Variants in SMARCA2 observed in about 807,000 individuals in gnomAD.
SMARCA2 encodes the protein SWI/SNF-related matrix-associated actin-dependent regulator of chromatin subfamily A member 2.
Under a neutral mutation model 199.8 loss-of-function variants are expected in SMARCA2, and 61 were observed. The observed-to-expected ratio is 0.31, with a 90% CI of 0.25 to 0.38. The LOEUF (loss-of-function observed/expected upper bound fraction) is 0.38, where lower values mean the gene tolerates loss of function less well. Ranked by LOEUF, SMARCA2 falls within the 10% of genes least tolerant of loss-of-function variation. SMARCA2 has a pLI of 1.00. For synonymous variants in SMARCA2, 935 were observed against 732.0 expected (o/e 1.28, Z -4.48); for missense variants, 1,344 against 2,012.2 (o/e 0.67, Z 6.35).
chr9:2,180,244 TAAAAC>T (rs1220156663), intron 29 of SMARCA2, among the ~76,000 whole-genome samples: 3 of 152,028 alleles, frequency 2.0e-5, no homozygotes, highest in East Asian at 1.9e-4. Flanking sequence ...ATTAAAAAAA[TAAAAC>T]AAAAACGATG....
chr9:2,149,243 T>C (rs140136848), intron 27 of SMARCA2, among the ~76,000 whole-genome samples: 6 of 150,880 alleles, frequency 4.0e-5, no homozygotes, highest in East Asian at 1.9e-4. Flanking sequence ...CCTGGCTGGG[T>C]GTGGTGGCTC....
At chr9:2,054,250 G>A (rs1375084584) in intron 5 of SMARCA2, among the ~76,000 whole-genome samples, 1 of 152,226 alleles carries the variant, frequency 6.6e-6, no homozygotes, top group Non-Finnish European at 1.5e-5. Context: ...CTGGGAGTTA[G>A]AAAGCTTGTC....
chr9:2,122,039 G>A (rs1396159246), intron 26 of SMARCA2, among the ~76,000 whole-genome samples: 1 of 152,130 alleles, frequency 6.6e-6, no homozygotes, highest in East Asian at 1.9e-4. Context: ...TATTTTGTGG[G>A]TAGAAATCTC....
rs182876036 is a variant in SMARCA2 at position 2,186,650 on chromosome 9, C to T, written c.4594+422C>T. ...AAGTGATTCACCTGCCTCAGCCTCC[C>T]GAGTAGCTGGAATTACAGGCGTGTG... On this transcript the variant is annotated intron_variant, in intron 32 of 33. Coordinates refer to ENST00000349721, the MANE Select transcript of SMARCA2 (RefSeq NM_003070.5). Among the ~76,000 whole-genome samples the T allele has an allele frequency of 1.6e-4, 24 of 152,212 alleles. No homozygotes were observed. The East Asian group carries it at 3.7e-3, about 23-fold the overall frequency.
intron 15 of SMARCA2, 137 bp from the exon 16 acceptor site, chr9:2,083,210 A>G: frequency 2.1e-6 from 1 of 484,862 alleles, no homozygotes; most frequent in Middle Eastern, 5.4e-4. Context: ...CACCTTTAAA[A>G]TAAATATCTT....
intron 23 of SMARCA2, among the ~76,000 whole-genome samples, chr9:2,108,647 C>G (rs531273928): frequency 6.6e-6 from 1 of 152,060 alleles, no homozygotes; most frequent in Non-Finnish European, 1.5e-5. Flanking sequence ...ATATGTGAAC[C>G]ATTAATACAT....
chr9:2,108,426 T>G (rs1041900122), intron 23 of SMARCA2, among the ~76,000 whole-genome samples: 1 of 152,122 alleles, frequency 6.6e-6, no homozygotes, highest in African/African-American at 2.4e-5. Flanking sequence ...GCAGACCTGA[T>G]GAGATTAACT....
chr9:2,184,345 GATA>G (rs1827273121), intron 31 of SMARCA2, among the ~76,000 whole-genome samples: 1 of 139,966 alleles, frequency 7.1e-6, no homozygotes, highest in African/African-American at 2.7e-5. Flanking sequence ...CAAAACATAG[GATA>G]ATATCTTTTT....
Position 2,039,532 on chromosome 9 carries a change from G to T in SMARCA2, c.422G>T (p.Gly141Val). The change falls in exon 4 of 34, where the codon GGA (glycine) becomes GTA (valine). Residue 141 changes from glycine to valine, a missense_variant. Gly to Val is a moderately radical substitution (Grantham distance 109, BLOSUM62 -3). Transcript: ENST00000349721. The surrounding 1 kb of genome is among the most constrained non-coding windows in gnomAD (Gnocchi z 4.8). ...CACGTCTCCAGCCCTATGTCTGGAG[G>T]AGGCCCAACTCCACCTCAGATGCCA... is the stretch of plus-strand genomic sequence containing the variant. ...PEHVSSPMSG[G>V]GPTPPQMPPS... The T allele has an allele frequency of 6.2e-7, 1 of 1,614,082 alleles. No individual in the cohort carries two copies. Among genetic ancestry groups the T allele is most frequent in the Non-Finnish European group, 8.5e-7 (1 of 1,179,978 alleles).
intron 19 of SMARCA2, among the ~76,000 whole-genome samples, chr9:2,093,823 A>G (rs2130513517): frequency 6.6e-6 from 1 of 152,352 alleles, no homozygotes; most frequent in African/African-American, 2.4e-5. Flanking sequence ...AGGGCTATAA[A>G]TCAACTTCCT....
rs1158538758 is a variant in SMARCA2 at position 2,076,234 on chromosome 9, G to A, written c.1941G>A (p.Glu647=). ...TATCTTTGTTCCTTTTCCAGGATGA[G>A]GAAGAAGAGTCCAGTAGGCAGGAAA... The part of the protein sequence containing the change: ...ESDSDYEEED[E]EEESSRQETE... The change falls in exon 13 of 34, where the codon GAG becomes GAA. Residue 647 remains glutamate, a synonymous_variant. Coordinates refer to ENST00000349721, the MANE Select transcript of SMARCA2 (RefSeq NM_003070.5). The A allele has an allele frequency of 6.3e-7, 1 of 1,584,238 alleles. No individual in the cohort carries two copies. The highest frequency in any genetic ancestry group is 1.1e-5 in the South Asian group (1 of 90,354).
chr9:2,021,655 G>T (rs12550848), intron 1 of SMARCA2, among the ~76,000 whole-genome samples: 8,722 of 152,172 alleles, frequency 0.057, 346 homozygotes, highest in Admixed American at 0.1. Context: ...GCTTGCTGTT[G>T]TGCTATACTA....
intron 3 of SMARCA2, among the ~76,000 whole-genome samples, chr9:2,037,645 A>T (rs566294150): frequency 3.7e-4 from 57 of 152,172 alleles, no homozygotes; most frequent in Non-Finnish European, 7.6e-4. Flanking sequence ...AGATGCACAG[A>T]GCTCTTTCAG....
chr9:2,109,554 T>G (rs1822899837), intron 23 of SMARCA2, among the ~76,000 whole-genome samples: 1 of 152,312 alleles, frequency 6.6e-6, no homozygotes, highest in African/African-American at 2.4e-5. Context: ...CTGCTCTGTT[T>G]AGTTGGTTTT....
At chr9:2,152,317 CG>C (rs1411700880) in intron 27 of SMARCA2, among the ~76,000 whole-genome samples, 1 of 150,530 alleles carries the variant, frequency 6.6e-6, no homozygotes, top group Non-Finnish European at 1.5e-5. Flanking sequence ...TTTGGGTGGC[CG>C]GGGCAGGTGG....
rs1823551394 is a variant in SMARCA2, at chr9:2,123,421, T to C, written c.3763-298T>C. On this transcript the variant is annotated intron_variant, in intron 26 of 33. Coordinates refer to ENST00000349721, the MANE Select transcript of SMARCA2 (RefSeq NM_003070.5). The surrounding 1 kb of genome is among the most constrained non-coding windows in gnomAD (Gnocchi z 4.1). ...ATTCCCAATTTGAATTTTTCCACTA[T>C]TACTTTAAAGAGGGAGCTTTGCATA... Among the ~76,000 whole-genome samples, 1 of 152,226 alleles carries C rather than the reference T, an allele frequency of 6.6e-6. No homozygotes were observed. Among genetic ancestry groups the C allele is most frequent in the South Asian group, 2.1e-4 (1 of 4,824 alleles).
chr9:2,056,664 C>T lies in SMARCA2; in HGVS notation c.1174-8C>T, dbSNP rs1450203920. 2 of 1,611,722 alleles carry T rather than the reference C, an allele frequency of 1.2e-6. No homozygotes were observed. The highest frequency in any genetic ancestry group is 3.4e-5 in the Admixed American group (2 of 59,490). ...GGGAAGGCTGTCTAACTGCTCTCTT[C>T]TTGACAGCTGAGACAGGAGGTGGTG... On this transcript the variant is annotated splice_region_variant and splice_polypyrimidine_tract_variant and intron_variant, in intron 6 of 33. Coordinates refer to ENST00000349721, the MANE Select transcript of SMARCA2 (RefSeq NM_003070.5). This position sits in a 1 kb window ranked among gnomAD's most constrained non-coding sequence, Gnocchi z 4.0.
chr9:2,114,762 A>G lies in SMARCA2; in HGVS notation c.3457-1060A>G, dbSNP rs375242151. ...TATATGAGTAACATTTAAAGCAGAA[A>G]AAAAGCAAAATGTAAGCAAAGTGAA... On this transcript the variant is annotated intron_variant, in intron 24 of 33. Transcript: ENST00000349721. Among the ~76,000 whole-genome samples the G allele has an allele frequency of 7.9e-4, 121 of 152,350 alleles. No individual in the cohort carries two copies. In the Middle Eastern group the frequency reaches 0.014, roughly 17 times the overall value.
rs1278671449 is a variant in SMARCA2 at position 2,191,276 on chromosome 9, C to T, written c.4605C>T (p.Val1535=). The change falls in exon 33 of 34, where the codon GTC becomes GTT. Residue 1535 remains valine (V), a synonymous_variant. Transcript: ENST00000349721. ...EEESESEAKS[V]KVKIKLNKKD... ...TTGCTTTGGTTTTAGCAAAATCAGTCAAGGTGAAAATTAAGCTCAATAAAA... is the reference window on the plus strand; with the variant it reads ...TTGCTTTGGTTTTAGCAAAATCAGTTAAGGTGAAAATTAAGCTCAATAAAA... 6.2e-7 allele frequency: 1 copy of T among 1,613,700 alleles called. No homozygotes were observed. Among genetic ancestry groups the T allele is most frequent in the East Asian group, 2.2e-5 (1 of 44,890 alleles).
Sources: allele counts gnomAD v4.1 joint callset (sites outside exome capture counted in the v4.1 genomes callset), GRCh38; gene constraint gnomAD v4.1.1; non-coding constraint Gnocchi (gnomAD v3.1); transcripts MANE v1.5; gene names NCBI Gene and HGNC (gene_info 2026-07-23, HGNC 2026-07-21).